Variants in AHCYL2 observed in about 807,000 individuals in gnomAD.
AHCYL2 encodes adenosylhomocysteinase like 2, also known as S-adenosylhomocysteine hydrolase-like protein 2.
A neutral mutation model predicts 81.4 loss-of-function variants in AHCYL2; 28 were observed. The ratio of observed to expected loss-of-function variants is 0.34; its 90% confidence interval spans 0.25 to 0.47. The LOEUF is 0.47. AHCYL2 is among the 20% of genes least tolerant of loss of function. The probability of loss-of-function intolerance (pLI) is 1.00; values close to 1 mark genes in which losing one functional copy is unlikely to be tolerated. For missense variants in AHCYL2, 551 were observed against 785.1 expected, an observed-to-expected ratio of 0.70 and a Z score of 3.56; for synonymous variants, 272 against 290.2, an observed-to-expected ratio of 0.94 and a Z score of 0.64.
At chr7:129,364,183 A>C (rs1175571248) in intron 1 of AHCYL2, among the ~76,000 whole-genome samples, 1 of 152,184 alleles carries the variant, frequency 6.6e-6, no homozygotes, top group Admixed American at 6.5e-5. Context: ...AGCAATGATC[A>C]CATCACTGCA....
At chr7:129,260,628 G>A (rs62480598) in intron 1 of AHCYL2, among the ~76,000 whole-genome samples, 1,861 of 151,954 alleles carry the variant, frequency 0.012, 25 homozygotes, top group Non-Finnish European at 0.019. Context: ...TAATTCTCAG[G>A]GTGTTGCTTG....
At chr7:129,343,125 T>C (rs1264646894) in intron 1 of AHCYL2, among the ~76,000 whole-genome samples, 1 of 152,196 alleles carries the variant, frequency 6.6e-6, no homozygotes, top group Admixed American at 6.5e-5. Flanking sequence ...AACATTTTCC[T>C]TTTTTATTTA....
At chr7:129,245,765 G>A (rs955364197) in intron 1 of AHCYL2, among the ~76,000 whole-genome samples, 4 of 152,062 alleles carry the variant, frequency 2.6e-5, no homozygotes, top group African/African-American at 9.7e-5. Context: ...TGAACAGTTG[G>A]GTTGTTTCTA....
chr7:129,255,972 A>G (rs942775212), intron 1 of AHCYL2, among the ~76,000 whole-genome samples: 3 of 149,372 alleles, frequency 2.0e-5, no homozygotes, highest in South Asian at 2.1e-4. Context: ...TCAAAAAACA[A>G]AAAAAAAAAG....
intron 1 of AHCYL2, among the ~76,000 whole-genome samples, chr7:129,234,795 CT>C (rs1794581089): frequency 1.3e-5 from 2 of 152,226 alleles, no homozygotes; most frequent in African/African-American, 4.8e-5. Context: ...TGTGCTTGGC[CT>C]CTCCTGTCTT....
At chr7:129,278,810 T>C (rs191421335) in intron 1 of AHCYL2, among the ~76,000 whole-genome samples, 103 of 148,758 alleles carry the variant, frequency 6.9e-4, no homozygotes, top group Middle Eastern at 6.8e-3. Context: ...TGTTGCAGTA[T>C]CATTTGTTGG....
At chr7:129,385,801 ACT>A (rs1441553468) in intron 2 of AHCYL2, among the ~76,000 whole-genome samples, 5 of 152,000 alleles carry the variant, frequency 3.3e-5, no homozygotes, top group African/African-American at 1.2e-4. Flanking sequence ...TTAAATTATG[ACT>A]CTGGGCTTTA....
In AHCYL2 at chr7:129,406,597, C is replaced by A; in HGVS notation, c.1295+131C>A. The A allele has an allele frequency of 1.1e-6, 1 of 886,782 alleles. No homozygotes were observed. Among genetic ancestry groups the A allele is most frequent in the Non-Finnish European group, 1.8e-6 (1 of 554,008 alleles). 54.9% of individuals were successfully genotyped at this position (886,782 alleles called of 1,614,324 possible). ...GCTGCCACTAACTCTAAGCATCTGT[C>A]TTTTAAAAAGGTCAAGGAGCTCTGC... On this transcript the variant is annotated intron_variant, in intron 10 of 16. Coordinates refer to ENST00000325006, the MANE Select transcript of AHCYL2 (RefSeq NM_015328.4). The surrounding 1 kb of genome is among the most constrained non-coding windows in gnomAD (Gnocchi z 4.3).
At chr7:129,381,928 G>A (rs1227891382) in intron 2 of AHCYL2, among the ~76,000 whole-genome samples, 1 of 152,114 alleles carries the variant, frequency 6.6e-6, no homozygotes, top group East Asian at 1.9e-4. Context: ...TGCATCACAT[G>A]CACTGTTACC....
intron 1 of AHCYL2, among the ~76,000 whole-genome samples, chr7:129,363,400 T>C (rs1794001116): frequency 6.6e-6 from 1 of 152,202 alleles, no homozygotes; most frequent in African/African-American, 2.4e-5. Flanking sequence ...GCTACTATTT[T>C]ATTTCCATTT....
intron 1 of AHCYL2, chr7:129,375,681 T>C (rs1389265626): frequency 5.8e-6 from 8 of 1,383,868 alleles, no homozygotes; most frequent in East Asian, 2.6e-5. Flanking sequence ...CCTTATTAAA[T>C]TGGGGCTGTA....
intron 1 of AHCYL2, among the ~76,000 whole-genome samples, chr7:129,321,329 C>T (rs551193219): frequency 6.6e-6 from 1 of 152,234 alleles, no homozygotes; most frequent in African/African-American, 2.4e-5. Context: ...CAAGTAAAAG[C>T]GTTCTGTTCT....
At chr7:129,299,578 A>G (rs751974206) in intron 1 of AHCYL2, among the ~76,000 whole-genome samples, 2 of 151,842 alleles carry the variant, frequency 1.3e-5, no homozygotes, top group Non-Finnish European at 2.9e-5. Context: ...TATTTTTAGT[A>G]GAGACAGGGT....
At chr7:129,243,162 AG>A (rs936314104) in intron 1 of AHCYL2, among the ~76,000 whole-genome samples, 1 of 151,556 alleles carries the variant, frequency 6.6e-6, no homozygotes, top group African/African-American at 2.4e-5. Context: ...CTGGGATTAC[AG>A]GCGCCTGCCA....
intron 1 of AHCYL2, among the ~76,000 whole-genome samples, chr7:129,256,047 C>G (rs1795408721): frequency 1.3e-5 from 2 of 152,102 alleles, no homozygotes; most frequent in Non-Finnish European, 2.9e-5. Context: ...AACTTAATAC[C>G]TCCGTCCTGT....
At position 129,427,252 on chromosome 7, in the gene AHCYL2, G is replaced by T. The variant is rs1562883503; in HGVS notation, c.*207G>T. The T allele has an allele frequency of 5.8e-6, 3 of 521,714 alleles. No individual in the cohort carries two copies. The highest frequency in any genetic ancestry group is 1.0e-5 in the Non-Finnish European group (3 of 297,494). The allele number at this position is 521,714 out of a possible 1,614,324, so 32.3% of individuals were successfully genotyped here. A position where few individuals can be genotyped will look rare whatever the true frequency, so the allele number is the denominator to read the frequency against. ...GTGTGGTTACTGCCCTGAGGGCCATGAAAGCCACAGAGGATGGGCTGAGGA... is the reference window on the plus strand; with the variant it reads ...GTGTGGTTACTGCCCTGAGGGCCATTAAAGCCACAGAGGATGGGCTGAGGA... On this transcript the variant is annotated 3_prime_UTR_variant, in exon 17 of 17. Transcript: ENST00000325006. The surrounding 1 kb of genome is among the most constrained non-coding windows in gnomAD (Gnocchi z 5.5).
In AHCYL2 at chr7:129,421,145, G is replaced by A. The variant is rs370147524; in HGVS notation, c.1462-1695G>A. ...CAGGTGCCTATAATCCCAGCTATTCGGGAGGCTGAGGCAGGAGAATCGCTT... is the reference window on the plus strand; with the variant it reads ...CAGGTGCCTATAATCCCAGCTATTCAGGAGGCTGAGGCAGGAGAATCGCTT... On this transcript the variant is annotated intron_variant, in intron 12 of 16. Coordinates refer to ENST00000325006, the MANE Select transcript of AHCYL2 (RefSeq NM_015328.4). Among the ~76,000 whole-genome samples the A allele has an allele frequency of 5.7e-4, 87 of 152,082 alleles. No homozygotes were observed. In the South Asian group the frequency reaches 0.016, roughly 29 times the overall value.
intron 1 of AHCYL2, among the ~76,000 whole-genome samples, chr7:129,288,395 G>T (rs746714287): frequency 6.6e-6 from 1 of 151,922 alleles, no homozygotes. Context: ...ACAGAGTCTC[G>T]CATCACTCAG....
intron 8 of AHCYL2, chr7:129,405,418 A>C (rs757460104): frequency 1.9e-4 from 72 of 385,024 alleles, no homozygotes; most frequent in Non-Finnish European, 3.0e-4. Flanking sequence ...TTATATTTTC[A>C]AAATATTATC....
Sources: gnomAD v4.1 joint callset for allele counts (sites outside exome capture counted in the v4.1 genomes callset) on GRCh38, gnomAD v4.1.1 for gene constraint, Gnocchi (gnomAD v3.1) non-coding constraint, MANE v1.5 for transcripts, NCBI Gene and HGNC (gene_info 2026-07-23, HGNC 2026-07-21) for gene names.